ERG: variants seen among roughly 807,000 people sequenced by gnomAD.
ERG encodes transcriptional regulator ERG.
Under a neutral mutation model 55.3 loss-of-function variants are expected in ERG, and 9 were observed. The observed-to-expected ratio is 0.16, with a 90% CI of 0.10 to 0.28. ERG has a LOEUF of 0.28. Among genes scored for constraint, ERG ranks in the 10% least tolerant of loss-of-function variants. ERG has a pLI of 1.00. For missense variants in ERG, 434 were observed against 631.6 expected (o/e 0.69, Z 3.35); for synonymous variants, 223 against 237.3 (o/e 0.94, Z 0.55).
intron 2 of ERG, among the ~76,000 whole-genome samples, chr21:38,539,529 T>C (rs2059735911): frequency 6.6e-6 from 1 of 152,220 alleles, no homozygotes; most frequent in South Asian, 2.1e-4. Context: ...GTTCTAGACA[T>C]ATAAATATAA....
chr21:38,568,989 G>T (rs2059940608), intron 2 of ERG, among the ~76,000 whole-genome samples: 1 of 152,124 alleles, frequency 6.6e-6, no homozygotes, highest in Non-Finnish European at 1.5e-5. Flanking sequence ...GGTGATAGGG[G>T]GTGAGCCAGT....
intron 2 of ERG, among the ~76,000 whole-genome samples, chr21:38,521,497 AG>A (rs2059594323): frequency 1.3e-5 from 2 of 152,212 alleles, no homozygotes; most frequent in South Asian, 4.1e-4. Flanking sequence ...AGCTCATGAA[AG>A]CAAAGAGAGA....
chr21:38,441,233 C>G (rs902284257), intron 2 of ERG, among the ~76,000 whole-genome samples: 9 of 152,094 alleles, frequency 5.9e-5, no homozygotes, highest in African/African-American at 2.2e-4. Context: ...CCTGTGTCAA[C>G]TTGGCCAGGC....
At chr21:38,489,035 A>G (rs1287296914) in intron 1 of ERG, among the ~76,000 whole-genome samples, 1 of 152,204 alleles carries the variant, frequency 6.6e-6, no homozygotes, top group Non-Finnish European at 1.5e-5. Flanking sequence ...ATTCGGAGAG[A>G]GGAAGTTTCC....
chr21:38,448,570 T>C (rs556020107), intron 1 of ERG, among the ~76,000 whole-genome samples: 109 of 152,160 alleles, frequency 7.2e-4, no homozygotes, highest in African/African-American at 2.6e-3. Context: ...AGGAAACAAA[T>C]GAATAAAGAA....
At chr21:38,642,089 G>A (rs1241949934) in intron 1 of ERG, among the ~76,000 whole-genome samples, 1 of 152,236 alleles carries the variant, frequency 6.6e-6, no homozygotes, top group Non-Finnish European at 1.5e-5. Flanking sequence ...ATACTAGACA[G>A]TTTAAAAGTA....
chr21:38,368,388 T>TA, the ERG span, among the ~76,000 whole-genome samples: 43,978 of 152,104 alleles, frequency 0.29, 6,476 homozygotes, highest in African/African-American at 0.34. Flanking sequence ...GTGAGTTTGT[T>TA]AGTTTCATTA....
At chr21:38,574,225 T>C (rs1183309494) in intron 2 of ERG, among the ~76,000 whole-genome samples, 1 of 152,216 alleles carries the variant, frequency 6.6e-6, no homozygotes, top group Non-Finnish European at 1.5e-5. Context: ...AAGAAAGTCT[T>C]TCTCCCACTT....
chr21:38,577,453 C>T (rs937809956), intron 1 of ERG, among the ~76,000 whole-genome samples: 3 of 152,118 alleles, frequency 2.0e-5, no homozygotes, highest in African/African-American at 7.2e-5. Context: ...CCCCCCACCC[C>T]CACCCCCAGG....
chr21:38,472,276 G>A (rs1320379480), intron 1 of ERG, among the ~76,000 whole-genome samples: 1 of 152,166 alleles, frequency 6.6e-6, no homozygotes, highest in Non-Finnish European at 1.5e-5. Context: ...GTCACTCATA[G>A]AAAATACTGC....
At chr21:38,536,803 T>C (rs1402385521) in intron 2 of ERG, among the ~76,000 whole-genome samples, 1 of 152,262 alleles carries the variant, frequency 6.6e-6, no homozygotes, top group Non-Finnish European at 1.5e-5. Flanking sequence ...CTGAAATTTC[T>C]TTTTGCAAGT....
At chr21:38,561,330 G>A (rs1171301845) in intron 2 of ERG, among the ~76,000 whole-genome samples, 3 of 152,034 alleles carry the variant, frequency 2.0e-5, no homozygotes, top group Non-Finnish European at 4.4e-5. Flanking sequence ...TATAATTCTT[G>A]CAGGACATTG....
intron 1 of ERG, among the ~76,000 whole-genome samples, chr21:38,492,166 T>C (rs1377534738): frequency 6.6e-6 from 1 of 152,196 alleles, no homozygotes; most frequent in East Asian, 1.9e-4. Flanking sequence ...TTGTGTGACT[T>C]GTATAAGATA....
chr21:38,415,805 T>G (rs1351671386), intron 3 of ERG, among the ~76,000 whole-genome samples: 3 of 152,014 alleles, frequency 2.0e-5, no homozygotes, highest in Non-Finnish European at 1.5e-5. Flanking sequence ...CTGCGATTCC[T>G]GCTAGTTAGA....
chr21:38,401,639 C>T (rs1988499268), intron 5 of ERG, among the ~76,000 whole-genome samples: 1 of 152,136 alleles, frequency 6.6e-6, no homozygotes, highest in African/African-American at 2.4e-5. Flanking sequence ...AGTTAACTGG[C>T]TGACTTGCAA....
At chr21:38,525,260 G>A (rs565149061) in intron 2 of ERG, among the ~76,000 whole-genome samples, 2 of 152,058 alleles carry the variant, frequency 1.3e-5, no homozygotes, top group African/African-American at 4.8e-5. Context: ...CATCTTCCCC[G>A]CGCCCCTCCT....
intron 1 of ERG, among the ~76,000 whole-genome samples, chr21:38,474,909 A>G (rs568441663): frequency 1.3e-5 from 2 of 152,330 alleles, no homozygotes; most frequent in Non-Finnish European, 2.9e-5. Flanking sequence ...AACATCTAAC[A>G]TTTAATAACG....
chr21:38,616,584 G>A (rs1029719283), intron 1 of ERG, among the ~76,000 whole-genome samples: 2 of 152,006 alleles, frequency 1.3e-5, no homozygotes, highest in Middle Eastern at 6.8e-3. Flanking sequence ...AAGATATATG[G>A]CCTGTAAATG....
At chr21:38,561,683 T>G (rs1975583270) in intron 2 of ERG, among the ~76,000 whole-genome samples, 1 of 152,188 alleles carries the variant, frequency 6.6e-6, no homozygotes, top group African/African-American at 2.4e-5. Context: ...AGTCTCAAAG[T>G]CAGTTGGCTG....
Sources: allele counts gnomAD v4.1 joint callset (sites outside exome capture counted in the v4.1 genomes callset), GRCh38; gene constraint gnomAD v4.1.1; transcripts MANE v1.5; gene names NCBI Gene and HGNC (gene_info 2026-07-23, HGNC 2026-07-21).